Variants in TASP1 observed in about 807,000 individuals in gnomAD.
TASP1 encodes the protein taspase 1, also known as threonine aspartase 1.
A neutral mutation model predicts 56.6 loss-of-function variants in TASP1; 16 were observed. That is an observed-to-expected ratio of 0.28 (90% CI 0.19 to 0.43). The LOEUF is 0.43. TASP1 is among the 20% of genes least tolerant of loss of function. The pLI, the probability that TASP1 is intolerant of heterozygous loss-of-function variation, is 1.00. For synonymous variants in TASP1, 179 were observed against 184.2 expected (o/e 0.97, Z 0.23); for missense variants, 393 against 511.6 (o/e 0.77, Z 2.24).
chr20:13,248,091 C>T, the TASP1 span, among the ~76,000 whole-genome samples: 3 of 152,120 alleles, frequency 2.0e-5, no homozygotes, highest in Non-Finnish European at 4.4e-5. Flanking sequence ...TCCAAAAGTG[C>T]GGAAGAAATG....
intron 5 of TASP1, among the ~76,000 whole-genome samples, chr20:13,582,609 TAAAG>T (rs1365496413): frequency 6.6e-6 from 1 of 152,046 alleles, no homozygotes; most frequent in African/African-American, 2.4e-5. Context: ...GAGTACAAAA[TAAAG>T]AAATGTCAAT....
chr20:13,294,364 A>G, the TASP1 span, among the ~76,000 whole-genome samples: 1 of 152,206 alleles, frequency 6.6e-6, no homozygotes, highest in Non-Finnish European at 1.5e-5. Context: ...TGCAAATACA[A>G]TGCATTTGAC....
At chr20:13,229,636 A>T in the TASP1 span, among the ~76,000 whole-genome samples, 1 of 152,214 alleles carries the variant, frequency 6.6e-6, no homozygotes, top group Non-Finnish European at 1.5e-5. Flanking sequence ...TTCTTACACA[A>T]GCCTTTCTGT....
At chr20:13,478,518 A>G (rs959409388) in intron 11 of TASP1, among the ~76,000 whole-genome samples, 2 of 152,172 alleles carry the variant, frequency 1.3e-5, no homozygotes, top group African/African-American at 4.8e-5. Flanking sequence ...GGAGCTAAAT[A>G]ATGTGTACAC....
chr20:13,322,737 A>T, the TASP1 span, among the ~76,000 whole-genome samples: 1 of 152,172 alleles, frequency 6.6e-6, no homozygotes, highest in Non-Finnish European at 1.5e-5. Context: ...GGGGTGGAAT[A>T]TGTGATCTTT....
chr20:13,304,259 T>C, the TASP1 span, among the ~76,000 whole-genome samples: 7 of 152,246 alleles, frequency 4.6e-5, no homozygotes, highest in East Asian at 1.9e-4. Context: ...CAGAGATGGC[T>C]GCATGAGCAC....
intron 8 of TASP1, among the ~76,000 whole-genome samples, chr20:13,545,273 T>C (rs1336927837): frequency 6.6e-6 from 1 of 152,180 alleles, no homozygotes; most frequent in Non-Finnish European, 1.5e-5. Flanking sequence ...TATTCTAGGA[T>C]ATAAAATATA....
chr20:13,105,076 A>G, the TASP1 span, among the ~76,000 whole-genome samples: 1 of 152,282 alleles, frequency 6.6e-6, no homozygotes, highest in East Asian at 1.9e-4. Flanking sequence ...AGGCCTACAG[A>G]ACATAAATCA....
chr20:13,228,281 C>T, the TASP1 span, among the ~76,000 whole-genome samples: 1 of 152,098 alleles, frequency 6.6e-6, no homozygotes, highest in Non-Finnish European at 1.5e-5. Flanking sequence ...CCTGCTGCTG[C>T]TGCTTCAATC....
the TASP1 span, among the ~76,000 whole-genome samples, chr20:13,380,506 C>CT: frequency 1.3e-5 from 2 of 152,122 alleles, no homozygotes; most frequent in Non-Finnish European, 2.9e-5. Flanking sequence ...TATGAGGTGT[C>CT]TGTCAACCCC....
At chr20:13,604,354 T>C (rs1288097797) in intron 4 of TASP1, among the ~76,000 whole-genome samples, 2 of 152,134 alleles carry the variant, frequency 1.3e-5, no homozygotes, top group Non-Finnish European at 2.9e-5. Context: ...TCTGGTTGTT[T>C]AAAAGAGCCT....
At chr20:13,494,213 C>A (rs1004615897) in intron 10 of TASP1, among the ~76,000 whole-genome samples, 3 of 152,190 alleles carry the variant, frequency 2.0e-5, no homozygotes, top group African/African-American at 7.2e-5. Context: ...CCAGCTCTGG[C>A]TGTAGAACCT....
chr20:13,230,530 T>C, the TASP1 span, among the ~76,000 whole-genome samples: 1 of 152,142 alleles, frequency 6.6e-6, no homozygotes, highest in African/African-American at 2.4e-5. Flanking sequence ...ACCCTTGGCT[T>C]AGGGTTTACA....
intron 11 of TASP1, among the ~76,000 whole-genome samples, chr20:13,469,602 T>G (rs1031473095): frequency 6.6e-6 from 1 of 152,064 alleles, no homozygotes; most frequent in African/African-American, 2.4e-5. Context: ...ACACACTGAC[T>G]CAGTATCATC....
At chr20:13,585,000 A>G (rs2047251815) in intron 5 of TASP1, among the ~76,000 whole-genome samples, 1 of 152,202 alleles carries the variant, frequency 6.6e-6, no homozygotes, top group South Asian at 2.1e-4. Flanking sequence ...ACCTTTTCAA[A>G]GAATGGGGGA....
At chr20:13,367,463 C>A in the TASP1 span, among the ~76,000 whole-genome samples, 2 of 152,182 alleles carry the variant, frequency 1.3e-5, no homozygotes, top group Non-Finnish European at 2.9e-5. Flanking sequence ...ACTGGACAGA[C>A]TTTTCATGCC....
At chr20:13,205,782 TAGGGGAAGTGAGAGTGAG>T in the TASP1 span, among the ~76,000 whole-genome samples, 1 of 152,022 alleles carries the variant, frequency 6.6e-6, no homozygotes, top group South Asian at 2.1e-4. Context: ...TGTCATCAAG[TAGGGGAAGTGAGAGTGAG>T]AGGGAAGGAG....
At chr20:13,231,079 A>G in the TASP1 span, among the ~76,000 whole-genome samples, 22,908 of 152,052 alleles carry the variant, frequency 0.15, 2,010 homozygotes, top group East Asian at 0.41. Context: ...CAAATAAATT[A>G]CTTGTTCTTT....
chr20:13,584,397 C>T (rs181738851), intron 5 of TASP1, among the ~76,000 whole-genome samples: 3 of 152,204 alleles, frequency 2.0e-5, no homozygotes, highest in Admixed American at 6.5e-5. Flanking sequence ...CATTTATAAA[C>T]AGGGTTAAAA....
Sources: allele counts gnomAD v4.1 joint callset (sites outside exome capture counted in the v4.1 genomes callset), GRCh38; gene constraint gnomAD v4.1.1; transcripts MANE v1.5; gene names NCBI Gene and HGNC (gene_info 2026-07-23, HGNC 2026-07-21).